CASK: variants seen among roughly 807,000 people sequenced by gnomAD.
CASK encodes the protein peripheral plasma membrane protein CASK.
Under a neutral mutation model 82.9 loss-of-function variants are expected in CASK, and 4 were observed. That is an observed-to-expected ratio of 0.05 (90% CI 0.02 to 0.11). The LOEUF (loss-of-function observed/expected upper bound fraction) is 0.11. Ranked by LOEUF, CASK falls within the 10% of genes least tolerant of loss-of-function variation. CASK has a pLI of 1.00. For synonymous variants in CASK, 259 were observed against 253.5 expected (o/e 1.02, Z -0.20); for missense variants, 358 against 720.9 (o/e 0.50, Z 5.76).
chrX:41,890,581 G>T (rs891262646), intron 1 of CASK, among the ~76,000 whole-genome samples: 4 of 111,949 alleles, frequency 3.6e-5, no homozygotes, highest in Non-Finnish European at 7.5e-5. Context: ...TAACTCTCAA[G>T]AAGGGAAGGA....
chrX:41,733,221 GT>G (rs1364383556), intron 5 of CASK, among the ~76,000 whole-genome samples: 2 of 105,521 alleles, frequency 1.9e-5, no homozygotes, highest in Non-Finnish European at 3.9e-5. Context: ...GTCTTACTAT[GT>G]TGCTCAGGCT....
At chrX:41,632,317 T>A (rs1215957949) in intron 9 of CASK, among the ~76,000 whole-genome samples, 1 of 111,991 alleles carries the variant, frequency 8.9e-6, no homozygotes, top group Non-Finnish European at 1.9e-5. Flanking sequence ...TAGTTTTTGT[T>A]GAACTAACAG....
intron 15 of CASK, among the ~76,000 whole-genome samples, chrX:41,574,112 C>T (rs2065454330): frequency 9.0e-6 from 1 of 111,015 alleles, no homozygotes; most frequent in African/African-American, 3.3e-5. Context: ...CGATACTCTG[C>T]TGAATACTTG....
At chrX:41,909,176 T>G (rs2072519247) in intron 1 of CASK, among the ~76,000 whole-genome samples, 2 of 111,977 alleles carry the variant, frequency 1.8e-5, no homozygotes, top group Admixed American at 1.9e-4. Context: ...TCTGCATTTC[T>G]AATGAGTTTC....
chrX:41,716,929 G>A (rs1012224781), intron 5 of CASK, among the ~76,000 whole-genome samples: 13 of 111,211 alleles, frequency 1.2e-4, no homozygotes, highest in African/African-American at 4.3e-4. Flanking sequence ...CAACTTCCTT[G>A]TTCTTCATGT....
intron 2 of CASK, among the ~76,000 whole-genome samples, chrX:41,825,678 A>G (rs2070649168): frequency 8.9e-6 from 1 of 111,748 alleles, no homozygotes; most frequent in African/African-American, 3.3e-5. Flanking sequence ...TGCAGTGGAT[A>G]CTCTACCACT....
chrX:41,788,099 G>A (rs1205281451), intron 2 of CASK, among the ~76,000 whole-genome samples: 3 of 104,408 alleles, frequency 2.9e-5, no homozygotes, highest in Non-Finnish European at 5.9e-5. Flanking sequence ...AGAAGTTGCA[G>A]TGAGCCGGGA....
At chrX:41,682,832 C>T (rs897014396) in intron 5 of CASK, among the ~76,000 whole-genome samples, 2 of 109,841 alleles carry the variant, frequency 1.8e-5, no homozygotes, top group African/African-American at 6.6e-5. Context: ...CCAGGCTCAT[C>T]TCAAACTCCT....
At chrX:41,845,436 CCTT>C (rs1019969085) in intron 2 of CASK, among the ~76,000 whole-genome samples, 7 of 111,571 alleles carry the variant, frequency 6.3e-5, no homozygotes, top group African/African-American at 2.0e-4. Context: ...TATAAAATGT[CCTT>C]CTTTAGTAAC....
At chrX:41,773,308 G>A (rs2069281368) in intron 3 of CASK, among the ~76,000 whole-genome samples, 1 of 105,775 alleles carries the variant, frequency 9.5e-6, no homozygotes, top group South Asian at 4.3e-4. Context: ...CCAGGAGGTC[G>A]AGGCTGCAGT....
intron 11 of CASK, among the ~76,000 whole-genome samples, chrX:41,611,481 G>T (rs186015703): frequency 9.0e-6 from 1 of 111,618 alleles, no homozygotes; most frequent in Non-Finnish European, 1.9e-5. Context: ...TCTAATAGAG[G>T]ATGATTACGT....
At chrX:41,524,485 A>G (rs1292330992) in intron 25 of CASK, 1 of 170,146 alleles carries the variant, frequency 5.9e-6, no homozygotes, top group Non-Finnish European at 1.1e-5. Context: ...TTGCTAGCAA[A>G]TCTGTCCACT....
chrX:41,710,490 T>C (rs2067954765), intron 5 of CASK, among the ~76,000 whole-genome samples: 1 of 111,803 alleles, frequency 8.9e-6, no homozygotes, highest in South Asian at 3.7e-4. Flanking sequence ...AGACAATGTT[T>C]AGCCAGCACA....
intron 1 of CASK, among the ~76,000 whole-genome samples, chrX:41,912,276 G>A (rs1428545380): frequency 9.4e-6 from 1 of 106,178 alleles, no homozygotes; most frequent in Non-Finnish European, 1.9e-5. Context: ...ACAGCTCACT[G>A]GACAGTTTTT....
chrX:41,693,625 C>A, intron 5 of CASK, among the ~76,000 whole-genome samples: 1 of 111,497 alleles, frequency 9.0e-6, no homozygotes, highest in African/African-American at 3.3e-5. Flanking sequence ...AAAAACAAAA[C>A]AAAACAAACA....
At position 41,850,581 on chromosome X, in the gene CASK, G is replaced by A. The variant is rs182527802; in HGVS notation, c.172+2534C>T. Among the ~76,000 whole-genome samples the A allele has an allele frequency of 7.2e-5, 8 of 111,839 alleles. No individual in the cohort carries two copies. The East Asian group carries it at 1.4e-3, about 20-fold the overall frequency. On this transcript the variant is annotated intron_variant, in intron 2 of 26. Coordinates refer to ENST00000378163, the MANE Select transcript of CASK (RefSeq NM_001367721.1). ...AAGTTTATTTGGGAAAGAATGTAAC[G>A]GTAAATATAGATATTTCTAGATATT... is the stretch of plus-strand genomic sequence containing the variant.
At chrX:41,564,964 C>A (rs1465846156) in intron 16 of CASK, among the ~76,000 whole-genome samples, 1 of 111,945 alleles carries the variant, frequency 8.9e-6, no homozygotes, top group Admixed American at 9.5e-5. Flanking sequence ...GGAAACTGAA[C>A]AACTTGCTCC....
At chrX:41,876,897 G>A (rs2071834907) in intron 1 of CASK, among the ~76,000 whole-genome samples, 1 of 111,379 alleles carries the variant, frequency 9.0e-6, no homozygotes, top group Non-Finnish European at 1.9e-5. Context: ...TAAATATCTT[G>A]TAGGCAAATA....
intron 1 of CASK, among the ~76,000 whole-genome samples, chrX:41,881,424 C>T (rs968262632): frequency 9.0e-6 from 1 of 111,406 alleles, no homozygotes; most frequent in African/African-American, 3.3e-5. Context: ...TCACAGCACT[C>T]ACCACCATTG....
Sources: gnomAD v4.1 joint callset for allele counts (sites outside exome capture counted in the v4.1 genomes callset) on GRCh38, gnomAD v4.1.1 for gene constraint, MANE v1.5 for transcripts, NCBI Gene and HGNC (gene_info 2026-07-23, HGNC 2026-07-21) for gene names.